The following HSD17B12 variants were observed in gnomAD, a reference collection of about 807,000 sequenced individuals.
HSD17B12 encodes the protein very-long-chain 3-oxoacyl-CoA reductase.
In HSD17B12, 32 loss-of-function variants were observed where a neutral mutation model predicts 39.3. The ratio of observed to expected loss-of-function variants is 0.81; its 90% CI spans 0.61 to 1.09. HSD17B12 has a LOEUF of 1.09. HSD17B12 is among the 50% of genes least tolerant of loss of function. HSD17B12 has a pLI of 0.00. For synonymous variants in HSD17B12, 150 were observed against 146.7 expected (o/e 1.02, Z -0.16); for missense variants, 342 against 382.9 (o/e 0.89, Z 0.89).
intron 4 of HSD17B12, among the ~76,000 whole-genome samples, chr11:43,805,883 G>A (rs1349193511): frequency 6.6e-6 from 1 of 152,146 alleles, no homozygotes; most frequent in African/African-American, 2.4e-5. Context: ...AAATTCTTGG[G>A]TTCGTATGAC....
chr11:43,734,312 G>A (rs2134895921), intron 1 of HSD17B12: 1 of 1,120,708 alleles, frequency 8.9e-7, no homozygotes, highest in Non-Finnish European at 1.4e-6. Flanking sequence ...AGCCAAAAAG[G>A]TGGCTCAGCA....
intron 3 of HSD17B12, among the ~76,000 whole-genome samples, chr11:43,779,281 G>A (rs1338897567): frequency 1.3e-5 from 2 of 152,086 alleles, no homozygotes; most frequent in Admixed American, 6.6e-5. Flanking sequence ...AACATAATAG[G>A]CATTTATCAA....
chr11:43,585,855 G>A, the HSD17B12 span, among the ~76,000 whole-genome samples: 1 of 152,188 alleles, frequency 6.6e-6, no homozygotes, highest in African/African-American at 2.4e-5. Context: ...TGGGAGTCGG[G>A]TGGTGATTTT....
At chr11:43,695,304 C>G (rs1326398099) in intron 1 of HSD17B12, among the ~76,000 whole-genome samples, 2 of 151,786 alleles carry the variant, frequency 1.3e-5, no homozygotes, top group Admixed American at 6.6e-5. Flanking sequence ...ATTGGCCGGG[C>G]GTGGTGGCTC....
At chr11:43,737,979 A>G (rs1034537171) in intron 1 of HSD17B12, among the ~76,000 whole-genome samples, 3 of 150,834 alleles carry the variant, frequency 2.0e-5, no homozygotes, top group Admixed American at 6.6e-5. Flanking sequence ...AGGCTGAGGC[A>G]GGAGAATGAT....
intron 6 of HSD17B12, among the ~76,000 whole-genome samples, chr11:43,827,167 C>T (rs1314210837): frequency 2.0e-5 from 3 of 152,016 alleles, no homozygotes; most frequent in Non-Finnish European, 4.4e-5. Flanking sequence ...AGGGGCTTTG[C>T]CTGGATTCTA....
intron 1 of HSD17B12, among the ~76,000 whole-genome samples, chr11:43,745,864 AG>A (rs763017902): frequency 4.6e-5 from 7 of 152,044 alleles, no homozygotes; most frequent in South Asian, 4.2e-4. Flanking sequence ...GGAAAAAAAA[AG>A]GTTGGTCAGG....
At chr11:43,627,735 G>A in the HSD17B12 span, among the ~76,000 whole-genome samples, 1 of 151,834 alleles carries the variant, frequency 6.6e-6, no homozygotes, top group Admixed American at 6.6e-5. Context: ...CGTTAAAATA[G>A]TATTATCAAA....
chr11:43,718,337 G>C (rs1694221097), intron 1 of HSD17B12, among the ~76,000 whole-genome samples: 1 of 152,140 alleles, frequency 6.6e-6, no homozygotes, highest in Admixed American at 6.5e-5. Context: ...TCTCTTAGAA[G>C]TCTTATCCCA....
At chr11:43,619,096 A>G in the HSD17B12 span, among the ~76,000 whole-genome samples, 1 of 148,412 alleles carries the variant, frequency 6.7e-6, no homozygotes, top group African/African-American at 2.5e-5. Context: ...GGAAAACTCA[A>G]AGAACCATAG....
At chr11:43,762,417 C>T (rs996598521) in intron 3 of HSD17B12, among the ~76,000 whole-genome samples, 3 of 152,194 alleles carry the variant, frequency 2.0e-5, no homozygotes, top group Non-Finnish European at 4.4e-5. Context: ...AGTTGATTCT[C>T]TGCAGCATCA....
chr11:43,815,777 G>A (rs1179415240), intron 5 of HSD17B12, among the ~76,000 whole-genome samples: 1 of 152,016 alleles, frequency 6.6e-6, no homozygotes, highest in African/African-American at 2.4e-5. Context: ...CTCTAGTTTT[G>A]TTATTACTCT....
intron 4 of HSD17B12, among the ~76,000 whole-genome samples, chr11:43,811,892 T>C (rs974654370): frequency 1.3e-5 from 2 of 152,074 alleles, no homozygotes; most frequent in Non-Finnish European, 2.9e-5. Flanking sequence ...CTGCCCCACC[T>C]TCTGGTATCT....
At chr11:43,741,773 G>A (rs1269093067) in intron 1 of HSD17B12, among the ~76,000 whole-genome samples, 2 of 128,066 alleles carry the variant, frequency 1.6e-5, no homozygotes, top group African/African-American at 6.0e-5. Flanking sequence ...TCGCTTTGTC[G>A]CCCAGGCTGG....
chr11:43,828,256 C>G (rs933590504), intron 6 of HSD17B12, among the ~76,000 whole-genome samples: 2 of 149,742 alleles, frequency 1.3e-5, no homozygotes, highest in Non-Finnish European at 3.0e-5. Context: ...CATTCTCCTG[C>G]CTCAGCCTCC....
intron 6 of HSD17B12, among the ~76,000 whole-genome samples, chr11:43,826,152 C>G (rs964869876): frequency 1.3e-5 from 2 of 150,040 alleles, no homozygotes; most frequent in Non-Finnish European, 3.0e-5. Context: ...GCGTGATCTC[C>G]GCTCACTGCA....
chr11:43,672,330 T>C, the HSD17B12 span, among the ~76,000 whole-genome samples: 5 of 152,034 alleles, frequency 3.3e-5, no homozygotes, highest in African/African-American at 1.2e-4. Flanking sequence ...ATTACAGGCG[T>C]GAGCCACCGC....
At chr11:43,690,379 TA>T (rs1565049580) in intron 1 of HSD17B12, among the ~76,000 whole-genome samples, 162 of 12,866 alleles carry the variant, frequency 0.013, 5 homozygotes, top group Middle Eastern at 0.028. Flanking sequence ...TATATATATA[TA>T]TATATATATA....
chr11:43,703,554 T>C (rs907844073), intron 1 of HSD17B12, among the ~76,000 whole-genome samples: 2 of 152,218 alleles, frequency 1.3e-5, no homozygotes, highest in Admixed American at 1.3e-4. Flanking sequence ...TCCTGGGCTT[T>C]TCTTTAGTGG....
Sources: allele counts gnomAD v4.1 joint callset (sites outside exome capture counted in the v4.1 genomes callset), GRCh38; gene constraint gnomAD v4.1.1; transcripts MANE v1.5; gene names NCBI Gene and HGNC (gene_info 2026-07-23, HGNC 2026-07-21).